APP: variants seen among roughly 807,000 people sequenced by gnomAD.
The protein encoded by APP is amyloid-beta precursor protein.
In APP, 31 loss-of-function variants were observed where a neutral mutation model predicts 101.4. The ratio of observed to expected loss-of-function variants is 0.31; its 90% CI spans 0.23 to 0.41. APP has a LOEUF of 0.41. APP is among the 10% of genes least tolerant of loss of function. APP has a pLI of 1.00. For missense variants in APP, 839 were observed against 1,003.7 expected (o/e 0.84, Z 2.22); for synonymous variants, 366 against 364.4 (o/e 1.00, Z -0.05).
chr21:26,112,314 T>C (rs1363268549), intron 1 of APP, among the ~76,000 whole-genome samples, 168 bp from the exon 2 acceptor site: 2 of 152,234 alleles, frequency 1.3e-5, no homozygotes, highest in African/African-American at 4.8e-5. Context: ...ATGCTACAGA[T>C]GTTCTTAGCC....
chr21:25,928,880 C>A (rs2040017860), intron 13 of APP: 1 of 141,646 alleles, frequency 7.1e-6, no homozygotes, highest in South Asian at 2.1e-4. Context: ...CATCACTACG[C>A]CCGGCTAGTT....
rs542861243 is a variant in APP at position 26,151,952 on chromosome 21, C to A, written c.57+18612G>T. ...TCCCTCTCTAAGTCACTACTTCCAG[C>A]CTATGTTCAGGCTAGAAATGCCAAA... is the stretch of plus-strand genomic sequence containing the variant. On this transcript the variant is annotated intron_variant, in intron 1 of 17. Coordinates refer to ENST00000346798, the MANE Select transcript of APP (RefSeq NM_000484.4). Among the ~76,000 whole-genome samples, 444 of 152,186 alleles carry A rather than the reference C, an allele frequency of 2.9e-3. 2 individuals are homozygous for A. The highest frequency in any genetic ancestry group is 6.8e-3 in the Middle Eastern group (2 of 294).
intron 2 of APP, among the ~76,000 whole-genome samples, chr21:26,100,421 G>T (rs1261382974): frequency 6.6e-6 from 1 of 152,228 alleles, no homozygotes; most frequent in Non-Finnish European, 1.5e-5. Flanking sequence ...CTACAAGGGT[G>T]AAGGGTGCCC....
rs559804168 is a variant in APP at position 25,911,663 on chromosome 21, ACT to A, written c.1909+76_1909+77del. On this transcript the variant is annotated intron_variant, in intron 14 of 17. Coordinates refer to ENST00000346798, the MANE Select transcript of APP (RefSeq NM_000484.4). ...ACCACTCAAGAACATACAAAAGATA[ACT>A]CTCTCTCTTGCACACACGTTATGTA... 828 of 1,296,652 alleles carry A rather than the reference ACT, an allele frequency of 6.4e-4. 4 individuals carry two copies. In the African/African-American group the frequency reaches 0.011, roughly 17 times the overall value. 80.3% of individuals were successfully genotyped at this position (1,296,652 alleles called of 1,614,324 possible).
rs181930344 is a variant in APP at position 25,896,878 on chromosome 21, G to C, written c.2064+695C>G. ...GGAGGGAATGAAAAGAAAGAGCTGGGGGAGAAATGAATGGGTAAAGGAAGA... is the reference window on the plus strand; with the variant it reads ...GGAGGGAATGAAAAGAAAGAGCTGGCGGAGAAATGAATGGGTAAAGGAAGA... On this transcript the variant is annotated intron_variant, in intron 16 of 17. Transcript: ENST00000346798. Among the ~76,000 whole-genome samples, 643 of 152,236 alleles carry C rather than the reference G, an allele frequency of 4.2e-3. 5 individuals carry two copies. The highest frequency in any genetic ancestry group is 0.015 in the African/African-American group (616 of 41,542).
At chr21:25,994,889 A>G (rs1284186476) in intron 8 of APP, among the ~76,000 whole-genome samples, 1 of 152,044 alleles carries the variant, frequency 6.6e-6, no homozygotes. Flanking sequence ...ACTAGAAATT[A>G]TATGTTTTTT....
chr21:26,138,038 A>G (rs146197426), intron 1 of APP, among the ~76,000 whole-genome samples: 19 of 152,242 alleles, frequency 1.2e-4, no homozygotes, highest in African/African-American at 4.6e-4. Flanking sequence ...GATTTAATAT[A>G]CTCTTAAAAG....
At chr21:26,007,578 T>C (rs2043593790) in intron 6 of APP, among the ~76,000 whole-genome samples, 1 of 151,256 alleles carries the variant, frequency 6.6e-6, no homozygotes, top group Admixed American at 6.6e-5. Flanking sequence ...TTTATTTTTT[T>C]AGCCTAAGTT....
intron 11 of APP, among the ~76,000 whole-genome samples, chr21:25,973,741 G>A (rs1216701790): frequency 1.3e-5 from 2 of 151,904 alleles, no homozygotes; most frequent in East Asian, 1.9e-4. Flanking sequence ...TCAGGAGTTC[G>A]AGATCAGCCT....
At chr21:26,137,970 A>C (rs1350564945) in intron 1 of APP, among the ~76,000 whole-genome samples, 1 of 152,206 alleles carries the variant, frequency 6.6e-6, no homozygotes, top group East Asian at 1.9e-4. Context: ...TACTGCAGTA[A>C]GAAGGGTATC....
chr21:26,141,956 T>C (rs1026301428), intron 1 of APP, among the ~76,000 whole-genome samples: 2 of 152,192 alleles, frequency 1.3e-5, no homozygotes, highest in African/African-American at 4.8e-5. Context: ...TACATCCAGT[T>C]AGGTCACCTC....
At chr21:25,910,997 A>G (rs1318611693) in intron 14 of APP, among the ~76,000 whole-genome samples, 1 of 152,110 alleles carries the variant, frequency 6.6e-6, no homozygotes, top group Non-Finnish European at 1.5e-5. Flanking sequence ...GCTTTTTTGG[A>G]AGGTGGCATT....
chr21:25,884,554 G>T (rs911102369), intron 17 of APP, among the ~76,000 whole-genome samples: 2 of 151,920 alleles, frequency 1.3e-5, no homozygotes, highest in Non-Finnish European at 2.9e-5. Flanking sequence ...TTAAAGATTA[G>T]CACCAATAAT....
At chr21:25,911,068 A>C (rs2039046913) in intron 14 of APP, among the ~76,000 whole-genome samples, 1 of 152,246 alleles carries the variant, frequency 6.6e-6, no homozygotes, top group Admixed American at 6.5e-5. Context: ...AGGGAACAAT[A>C]TACCTCACAG....
chr21:26,095,571 TGTACCTATAGGAAAAAAACATA>T (rs1376658328), intron 2 of APP, among the ~76,000 whole-genome samples: 1 of 152,214 alleles, frequency 6.6e-6, no homozygotes, highest in Non-Finnish European at 1.5e-5. Context: ...ATCACAGGTA[TGTACCTATAGGAAAAAAACATA>T]GTATATATTG....
At chr21:25,890,811 C>T (rs2037645506) in intron 17 of APP, among the ~76,000 whole-genome samples, 1 of 151,614 alleles carries the variant, frequency 6.6e-6, no homozygotes, top group East Asian at 1.9e-4. Flanking sequence ...TCTGTCTCGG[C>T]CTCAGTTCCC....
In APP at chr21:26,016,011, T is replaced by C. The variant is rs574822380; in HGVS notation, c.865+5829A>G. On this transcript the variant is annotated intron_variant, in intron 6 of 17. Transcript: ENST00000346798. ...TGCTGACCCTTGATCATTACTCTTA[T>C]TTGTGGACCCCCGATCATTTTTCTA... Among the ~76,000 whole-genome samples the C allele has an allele frequency of 1.2e-4, 19 of 152,246 alleles. No individual in the cohort carries two copies. The South Asian group carries it at 3.9e-3, about 32-fold the overall frequency.
intron 3 of APP, among the ~76,000 whole-genome samples, chr21:26,077,679 C>G (rs1264887159): frequency 6.6e-6 from 1 of 151,664 alleles, no homozygotes; most frequent in African/African-American, 2.4e-5. Flanking sequence ...CCAATCTGGA[C>G]TAGCTGCTCT....
At chr21:25,982,173 C>T (rs1010792566) in intron 9 of APP, among the ~76,000 whole-genome samples, 171 bp downstream of exon 9, 1 of 152,148 alleles carries the variant, frequency 6.6e-6, no homozygotes, top group Non-Finnish European at 1.5e-5. Context: ...AGCATGTTCA[C>T]GGAGGATGCA....
Sources: allele counts gnomAD v4.1 joint callset (sites outside exome capture counted in the v4.1 genomes callset), GRCh38; gene constraint gnomAD v4.1.1; transcripts MANE v1.5; gene names NCBI Gene and HGNC (gene_info 2026-07-23, HGNC 2026-07-21).